Variants in CSMD1 observed in about 807,000 individuals in gnomAD.
CSMD1 encodes the protein CUB and Sushi multiple domains 1, also known as CUB and sushi domain-containing protein 1.
Under a neutral mutation model 417.5 loss-of-function variants are expected in CSMD1, and 213 were observed. The observed-to-expected ratio is 0.51, with a 90% CI of 0.46 to 0.57. CSMD1 has a LOEUF of 0.57. CSMD1 is among the 20% of genes least tolerant of loss of function. The probability of loss-of-function intolerance (pLI) is 0.00; values close to 1 mark genes in which losing one functional copy is unlikely to be tolerated. For synonymous variants in CSMD1, 2,862 were observed against 1,736.8 expected, an observed-to-expected ratio of 1.65 and a Z score of -16.11; for missense variants, 6,923 against 4,529.7, an observed-to-expected ratio of 1.53 and a Z score of -15.17.
chr8:3,689,604 G>A (rs1800128444), intron 7 of CSMD1, among the ~76,000 whole-genome samples: 1 of 152,124 alleles, frequency 6.6e-6, no homozygotes, highest in South Asian at 2.1e-4. Flanking sequence ...TTAGTCCACT[G>A]AACAGAAATA....
intron 49 of CSMD1, among the ~76,000 whole-genome samples, chr8:3,062,698 T>G (rs1430586683): frequency 6.6e-6 from 1 of 152,168 alleles, no homozygotes; most frequent in African/African-American, 2.4e-5. Context: ...ATTTATGAAT[T>G]TGAAACAGAC....
intron 18 of CSMD1, among the ~76,000 whole-genome samples, chr8:3,376,030 G>C (rs375502352): frequency 5.3e-5 from 8 of 151,970 alleles, no homozygotes; most frequent in African/African-American, 1.7e-4. Context: ...CCACTTTTCT[G>C]TGTCTAATAA....
At chr8:3,156,582 A>G (rs1819549334) in intron 39 of CSMD1, among the ~76,000 whole-genome samples, 1 of 152,210 alleles carries the variant, frequency 6.6e-6, no homozygotes, top group African/African-American at 2.4e-5. Flanking sequence ...CTCAGAGAGC[A>G]TTGAGGAGGG....
In CSMD1 at chr8:3,724,003, G is replaced by C. The variant is rs570202558; in HGVS notation, c.932-15512C>G. The stretch of plus-strand genomic sequence containing the variant: ...GAAAAATGTCCACTATTATCTAAGA[G>C]GGATATTAAAATACGCCTCTCTTTT... On this transcript the variant is annotated intron_variant, in intron 6 of 69. Coordinates refer to ENST00000635120, the MANE Select transcript of CSMD1 (RefSeq NM_033225.6). Among the ~76,000 whole-genome samples the C allele has an allele frequency of 3.0e-3, 155 of 51,746 alleles. 2 individuals are homozygous for C. Among genetic ancestry groups the C allele is most frequent in the African/African-American group, 5.1e-3 (146 of 28,742 alleles). The allele number at this position is 51,746 out of a possible 152,430, so 33.9% of individuals were successfully genotyped here.
chr8:3,045,060 T>A (rs186423317), intron 50 of CSMD1, among the ~76,000 whole-genome samples: 56 of 152,286 alleles, frequency 3.7e-4, no homozygotes, highest in African/African-American at 1.3e-3. Context: ...AGCCCTTGAA[T>A]ACCAAGGAAT....
intron 2 of CSMD1, among the ~76,000 whole-genome samples, chr8:4,548,897 T>C (rs1264978965): frequency 6.6e-6 from 1 of 152,194 alleles, no homozygotes; most frequent in Non-Finnish European, 1.5e-5. Flanking sequence ...AAAATACATT[T>C]AGAATCCTGT....
chr8:3,328,458 C>T (rs13253477), intron 23 of CSMD1, among the ~76,000 whole-genome samples: 13,465 of 152,206 alleles, frequency 0.088, 688 homozygotes, highest in Middle Eastern at 0.19. Flanking sequence ...GAATACCTTA[C>T]AAAATTTTGT....
chr8:3,008,571 A>G (rs941389735), intron 52 of CSMD1, among the ~76,000 whole-genome samples: 3 of 152,190 alleles, frequency 2.0e-5, no homozygotes, highest in Non-Finnish European at 4.4e-5. Flanking sequence ...TTTCCAGTAG[A>G]GTGAACACTC....
At chr8:4,564,929 G>A (rs1044371315) in intron 2 of CSMD1, among the ~76,000 whole-genome samples, 1 of 152,182 alleles carries the variant, frequency 6.6e-6, no homozygotes, top group Non-Finnish European at 1.5e-5. Flanking sequence ...GTTAATAGCG[G>A]CTTTTCTAGT....
chr8:3,298,733 C>T (rs1325844886), intron 25 of CSMD1, among the ~76,000 whole-genome samples: 6 of 152,186 alleles, frequency 3.9e-5, no homozygotes, highest in South Asian at 4.1e-4. Flanking sequence ...GGATTACAGG[C>T]GTAAGCCATC....
In CSMD1 at chr8:4,393,453, A is replaced by C. The variant is rs146848294; in HGVS notation, c.415+26500T>G. Among the ~76,000 whole-genome samples, 611 of 152,350 alleles carry C rather than the reference A, an allele frequency of 4.0e-3. 2 individuals carry two copies. Among genetic ancestry groups the C allele is most frequent in the African/African-American group, 0.014 (583 of 41,582 alleles). Reference sequence around the variant, plus strand: ...GAACCCAAAATGCAGTTTTATGAATATCACATGCATGATTATGTTGAGATG... The same window carrying C: ...GAACCCAAAATGCAGTTTTATGAATCTCACATGCATGATTATGTTGAGATG... On this transcript the variant is annotated intron_variant, in intron 3 of 69. Transcript: ENST00000635120.
At chr8:3,737,353 C>T (rs2720821) in intron 6 of CSMD1, among the ~76,000 whole-genome samples, 144,819 of 152,166 alleles carry the variant, frequency 0.95, 69,357 homozygotes, top group East Asian at 1. Flanking sequence ...AATGTGACCC[C>T]CCTTTCTCTA....
intron 3 of CSMD1, among the ~76,000 whole-genome samples, chr8:4,413,502 A>G (rs768965732): frequency 2.6e-5 from 4 of 152,182 alleles, no homozygotes; most frequent in Non-Finnish European, 4.4e-5. Context: ...TATCTCTGCT[A>G]TATCCCTACT....
intron 3 of CSMD1, among the ~76,000 whole-genome samples, chr8:4,088,929 C>T (rs1014011033): frequency 6.6e-6 from 1 of 152,198 alleles, no homozygotes; most frequent in Non-Finnish European, 1.5e-5. Context: ...AAGCACTCCC[C>T]TGCCAAGGTC....
At chr8:3,398,139 A>G (rs1811813471) in intron 16 of CSMD1, among the ~76,000 whole-genome samples, 3 of 152,198 alleles carry the variant, frequency 2.0e-5, no homozygotes, top group African/African-American at 7.2e-5. Flanking sequence ...GACTGGCCAG[A>G]GAAGAATATA....
At chr8:3,814,251 G>C (rs981927617) in intron 5 of CSMD1, among the ~76,000 whole-genome samples, 4 of 152,242 alleles carry the variant, frequency 2.6e-5, no homozygotes, top group South Asian at 2.1e-4. Flanking sequence ...ATGCGATCTT[G>C]CTTATACTTA....
At chr8:3,657,912 T>C (rs1406866328) in intron 7 of CSMD1, among the ~76,000 whole-genome samples, 1 of 152,208 alleles carries the variant, frequency 6.6e-6, no homozygotes, top group Non-Finnish European at 1.5e-5. Flanking sequence ...GTGCAAATTT[T>C]TCTTTTTCCT....
chr8:4,976,511 C>G (rs1810569293), intron 1 of CSMD1, among the ~76,000 whole-genome samples: 1 of 152,148 alleles, frequency 6.6e-6, no homozygotes, highest in Non-Finnish European at 1.5e-5. Context: ...TTATCCTTAC[C>G]TCTGTGGCAT....
intron 9 of CSMD1, among the ~76,000 whole-genome samples, chr8:3,575,487 T>G (rs1800113361): frequency 6.6e-6 from 1 of 152,094 alleles, no homozygotes; most frequent in Non-Finnish European, 1.5e-5. Context: ...CACCGCCGAG[T>G]GCAATTCAAC....
Sources: allele counts gnomAD v4.1 joint callset (sites outside exome capture counted in the v4.1 genomes callset), GRCh38; gene constraint gnomAD v4.1.1; transcripts MANE v1.5; gene names NCBI Gene and HGNC (gene_info 2026-07-23, HGNC 2026-07-21).